The following BAHCC1 variants were observed in gnomAD, a reference collection of about 807,000 sequenced individuals.
BAHCC1 encodes BAH domain and coiled-coil containing 1.
A neutral mutation model predicts 88.2 loss-of-function variants in BAHCC1; 43 were observed. The observed-to-expected ratio is 0.49, with a 90% confidence interval of 0.38 to 0.63. The LOEUF is 0.63. Ranked by LOEUF, BAHCC1 falls within the 20% of genes least tolerant of loss-of-function variation. BAHCC1 has a pLI of 0.00. For missense variants in BAHCC1, 3,023 were observed against 1,654.8 expected, an observed-to-expected ratio of 1.83 and a Z score of -14.34; for synonymous variants, 1,510 against 745.5, an observed-to-expected ratio of 2.03 and a Z score of -16.71.
rs782501746 is a variant in BAHCC1 at position 81,447,784 on chromosome 17, C to T, written c.3912C>T (p.Ile1304=). The change falls in exon 11 of 28, where the codon ATC becomes ATT. Residue 1304 remains isoleucine (I), a synonymous_variant. Transcript: ENST00000675386. ...CTCATAGCTCAGGGATTCATGGGAT[C>T]GCTCTGCTCAGCGAGCTGGCTGACC... ...PLPHSSGIHG[I]ALLSELADLA... is the part of the protein sequence containing the mutation. 6.7e-6 allele frequency: 5 copies of T among 751,866 alleles called. No individual in the cohort carries two copies. The highest frequency in any genetic ancestry group is 1.4e-5 in the South Asian group (1 of 70,526). The allele number at this position is 751,866 out of a possible 1,614,324, so 46.6% of individuals were successfully genotyped here. A position where few individuals can be genotyped will look rare whatever the true frequency, so the allele number is the denominator to read the frequency against.
Position 81,464,917 on chromosome 17 carries a change from G to A in BAHCC1, c.*1100G>A, listed in dbSNP as rs1182566135. On this transcript the variant is annotated 3_prime_UTR_variant, in exon 28 of 28. Transcript: ENST00000675386. The stretch of plus-strand genomic sequence containing the variant: ...CCTAACTTTCCTGAAAGTAGTAGGT[G>A]CCGTGAGAAGGGGCAGTTTGGCCAG... The A allele has an allele frequency of 2.0e-5, 3 of 152,212 alleles. No individual in the cohort carries two copies. The highest frequency in any genetic ancestry group is 7.2e-5 in the African/African-American group (3 of 41,436). The allele number at this position is 152,212 out of a possible 1,614,324, so 9.4% of individuals were successfully genotyped here. A position where few individuals can be genotyped will look rare whatever the true frequency, so the allele number is the denominator to read the frequency against.
Position 81,399,252 on chromosome 17 carries a change from C to A in BAHCC1, c.-206-282C>A. 2.5e-6 allele frequency: 1 copy of A among 400,308 alleles called. No individual in the cohort carries two copies. The highest frequency in any genetic ancestry group is 1.1e-4 in the East Asian group (1 of 8,752). 24.8% of individuals were successfully genotyped at this position (400,308 alleles called of 1,614,324 possible). ...CCCTAGCTGCAGGGACCCGCGGGGA[C>A]GAGAACGGGAGGCGGCGAGCAGTGC... On this transcript the variant is annotated intron_variant, in intron 1 of 27. Transcript: ENST00000675386. This position sits in a 1 kb window ranked among gnomAD's most constrained non-coding sequence, Gnocchi z 4.5.
chr17:81,428,722 A>G (rs1304448807), intron 3 of BAHCC1, among the ~76,000 whole-genome samples: 6 of 152,320 alleles, frequency 3.9e-5, no homozygotes, highest in African/African-American at 1.2e-4. Flanking sequence ...GACAGCACCC[A>G]CAACGGCCTC....
At chr17:81,427,145 C>T (rs1245053807) in intron 3 of BAHCC1, among the ~76,000 whole-genome samples, 166 bp downstream of exon 3, 3 of 152,220 alleles carry the variant, frequency 2.0e-5, no homozygotes, top group East Asian at 1.9e-4. Flanking sequence ...GAGGAAGCCC[C>T]GGGGGAAGTG....
At position 81,445,547 on chromosome 17, in the gene BAHCC1, C is replaced by G. The variant is rs782686403; in HGVS notation, c.3029C>G (p.Pro1010Arg). 1 of 724,362 alleles carries G rather than the reference C, an allele frequency of 1.4e-6. No individual in the cohort carries two copies. The highest frequency in any genetic ancestry group is 1.5e-5 in the South Asian group (1 of 67,988). 44.9% of individuals were successfully genotyped at this position (724,362 alleles called of 1,614,324 possible). Residue 1010 changes from proline (P) to arginine (R), a missense_variant, in exon 10 of 28, where the codon CCT (proline) becomes CGT (arginine). Physicochemically the swap from Pro to Arg is moderately radical, Grantham distance 103. Transcript: ENST00000675386. The part of the protein sequence containing the change: ...KPPASSPTPP[P>R]RPSAPCTLNV... Reference sequence around the variant, plus strand: ...CCCGCCAGCTCCCCCACCCCACCACCTCGGCCCAGCGCCCCGTGCACTTTA... The same window carrying G: ...CCCGCCAGCTCCCCCACCCCACCACGTCGGCCCAGCGCCCCGTGCACTTTA...
intron 2 of BAHCC1, among the ~76,000 whole-genome samples, chr17:81,420,195 C>A (rs544329805): frequency 6.6e-6 from 1 of 152,352 alleles, no homozygotes; most frequent in African/African-American, 2.4e-5. Flanking sequence ...ATGTGTTGCC[C>A]TTCTTAGCCA....
At position 81,443,305 on chromosome 17, in the gene BAHCC1, G is replaced by C. The variant is rs1347505900; in HGVS notation, c.1956G>C (p.Leu652Phe). ...TGGTGGTGGGCCAGAAAGCACCCTT[G>C]GTGGGCCTGGGTGGCCTCAAGGCCA... ...QALVVGQKAPLVGLGGLKASC... is the reference protein window; with the variant it reads ...QALVVGQKAPFVGLGGLKASC... The change falls in exon 5 of 28, where the codon TTG becomes TTC. Residue 652 changes from leucine to phenylalanine, a missense_variant. Leu to Phe is a conservative substitution (Grantham distance 22). Transcript: ENST00000675386. 4 of 779,218 alleles carry C rather than the reference G, an allele frequency of 5.1e-6. No homozygotes were observed. In the African/African-American group the frequency reaches 6.8e-5, roughly 13 times the overall value. 48.3% of individuals were successfully genotyped at this position (779,218 alleles called of 1,614,324 possible).
At position 81,464,673 on chromosome 17, in the gene BAHCC1, T is replaced by G. The variant is rs2030577767; in HGVS notation, c.*856T>G. ...ACAAGACAAAGACGAACAAATATTT[T>G]AAAGTATTGATAAGAAAAAGCAATG... On this transcript the variant is annotated 3_prime_UTR_variant, in exon 28 of 28. Transcript: ENST00000675386. The G allele has an allele frequency of 6.6e-6, 1 of 152,516 alleles. No individual in the cohort carries two copies. The highest frequency in any genetic ancestry group is 2.1e-4 in the South Asian group (1 of 4,828). 9.4% of individuals were successfully genotyped at this position (152,516 alleles called of 1,614,324 possible). A position where few individuals can be genotyped will look rare whatever the true frequency, so the allele number is the denominator to read the frequency against.
In BAHCC1 at chr17:81,445,112, G is replaced by C. The variant is rs781959579; in HGVS notation, c.2769G>C (p.Ser923=). The part of the protein sequence containing the change: ...MQHPGQLPVY[S]RPQLLRQQEL... ...ACCCGGGCCAGCTCCCTGTGTACTCGAGGCCGCAGCTCCTCCGGCAGCAGG... is the reference window on the plus strand; with the variant it reads ...ACCCGGGCCAGCTCCCTGTGTACTCCAGGCCGCAGCTCCTCCGGCAGCAGG... Residue 923 remains serine (S), a synonymous_variant, in exon 9 of 28, where the codon TCG becomes TCC. Transcript: ENST00000675386. 3.9e-6 allele frequency: 3 copies of C among 773,292 alleles called. No individual in the cohort carries two copies. The African/African-American group carries it at 5.1e-5, about 13-fold the overall frequency. The allele number at this position is 773,292 out of a possible 1,614,324, so 47.9% of individuals were successfully genotyped here. A position where few individuals can be genotyped will look rare whatever the true frequency, so the allele number is the denominator to read the frequency against.
rs869057944 is a variant in BAHCC1, at chr17:81,411,474, CCCTGCCTGCCTGCCTGCCTG to C, written c.178+11581_178+11600del. 7 of 251,734 alleles carry C rather than the reference CCCTGCCTGCCTGCCTGCCTG, an allele frequency of 2.8e-5. No individual in the cohort carries two copies. The highest frequency in any genetic ancestry group is 1.3e-4 in the East Asian group (1 of 7,842). 15.6% of individuals were successfully genotyped at this position (251,734 alleles called of 1,614,324 possible). ...CCTTGAGGTCGTCAGCCAGCCCCACCCCTGCCTGCCTGCCTGCCTGCCTGCCTGCCTGCCTGCCTGCCTTC... is the reference window on the plus strand; with the variant it reads ...CCTTGAGGTCGTCAGCCAGCCCCACCCCTGCCTGCCTGCCTGCCTGCCTTC... On this transcript the variant is annotated intron_variant, in intron 2 of 27. Transcript: ENST00000675386. The surrounding 1 kb of genome is among the most constrained non-coding windows in gnomAD (Gnocchi z 6.2).
Position 81,456,305 on chromosome 17 carries a change from G to T in BAHCC1, c.4578G>T (p.Ala1526=), listed in dbSNP as rs1356574235. The change falls in exon 16 of 28, where the codon GCG becomes GCT. Residue 1526 remains alanine, a synonymous_variant. Transcript: ENST00000675386. The part of the protein sequence containing the change: ...AGLQTASVEK[A]QCKKSSCQGG... ...CCCCTCCCTGTTCACAGGAGAAGGC[G>T]CAGTGTAAGAAGAGCAGCTGTCAGG... is the stretch of plus-strand genomic sequence containing the variant. The T allele has an allele frequency of 2.8e-6, 2 of 716,382 alleles. No individual in the cohort carries two copies. Among genetic ancestry groups the T allele is most frequent in the South Asian group, 3.0e-5 (2 of 67,354 alleles). The allele number at this position is 716,382 out of a possible 1,614,324, so 44.4% of individuals were successfully genotyped here. A position where few individuals can be genotyped will look rare whatever the true frequency, so the allele number is the denominator to read the frequency against.
chr17:81,425,655 G>A (rs1555650317), intron 2 of BAHCC1, among the ~76,000 whole-genome samples: 1 of 148,712 alleles, frequency 6.7e-6, no homozygotes, highest in Non-Finnish European at 1.5e-5. Context: ...GGTTGGTGGT[G>A]ATGTGGTTGG....
In BAHCC1 at chr17:81,443,889, G is replaced by A; in HGVS notation, c.2296G>A (p.Gly766Arg). Residue 766 changes from glycine to arginine, a missense_variant, in exon 6 of 28, where the codon GGG becomes AGG. By Grantham distance (125) the Gly-to-Arg change is moderately radical. Coordinates refer to ENST00000675386, the MANE Select transcript of BAHCC1 (RefSeq NM_001377448.1). ...ERTRLCDDRL[G>R]LASRELLLQD... ...GACGAGGCTATGTGATGACCGCCTG[G>A]GGCTTGCCAGCCGCGAGCTGCTGCT... The A allele has an allele frequency of 1.3e-5, 9 of 713,188 alleles. No homozygotes were observed. The South Asian group carries it at 1.3e-4, about 11-fold the overall frequency. 44.2% of individuals were successfully genotyped at this position (713,188 alleles called of 1,614,324 possible). A position where few individuals can be genotyped will look rare whatever the true frequency, so the allele number is the denominator to read the frequency against.
intron 4 of BAHCC1, among the ~76,000 whole-genome samples, chr17:81,440,192 G>A (rs781984380): frequency 9.2e-5 from 14 of 152,282 alleles, no homozygotes; most frequent in Non-Finnish European, 1.3e-4. Flanking sequence ...CCCTAGAACC[G>A]CGTCAGCCCC....
Position 81,461,373 on chromosome 17 carries a change from T to C in BAHCC1, c.6710T>C (p.Leu2237Pro). ...LMGDKDFSPKLGRPLPSPSYV... is the reference protein window; with the variant it reads ...LMGDKDFSPKPGRPLPSPSYV... ...GGGGACAAGGACTTCAGCCCCAAGC[T>C]CGGGCGGCCCCTGCCCAGCCCCAGC... The change falls in exon 26 of 28, where the codon CTC becomes CCC. Residue 2237 changes from leucine (L) to proline (P), a missense_variant. Coordinates refer to ENST00000675386, the MANE Select transcript of BAHCC1 (RefSeq NM_001377448.1). The C allele has an allele frequency of 1.4e-6, 1 of 722,592 alleles. No individual in the cohort carries two copies. The highest frequency in any genetic ancestry group is 2.5e-6 in the Non-Finnish European group (1 of 392,612). The allele number at this position is 722,592 out of a possible 1,614,324, so 44.8% of individuals were successfully genotyped here.
chr17:81,438,635 G>A (rs782371926), intron 4 of BAHCC1, 143 bp downstream of exon 4: 4 of 638,352 alleles, frequency 6.3e-6, no homozygotes, highest in African/African-American at 1.8e-5. Flanking sequence ...GGGGCTAGAG[G>A]AGAGGGTGGG....
At chr17:81,420,750 G>A (rs1196863695) in intron 2 of BAHCC1, among the ~76,000 whole-genome samples, 1 of 152,248 alleles carries the variant, frequency 6.6e-6, no homozygotes, top group African/African-American at 2.4e-5. Context: ...GGAGGCCAGT[G>A]TGCAGTCCTC....
At chr17:81,458,052 C>T (rs1164658648) in intron 17 of BAHCC1, 113 bp from the exon 18 acceptor site, 18 of 406,494 alleles carry the variant, frequency 4.4e-5, no homozygotes, top group South Asian at 3.2e-4. Flanking sequence ...CTGGGTAACC[C>T]GGGGGCGGGC....
At chr17:81,397,333 C>T (rs1450301534) in intron 1 of BAHCC1, among the ~76,000 whole-genome samples, 8 of 151,852 alleles carry the variant, frequency 5.3e-5, no homozygotes, top group African/African-American at 1.9e-4. Context: ...CGTAGCCGAG[C>T]CCGCGTCCCG....
Sources: allele counts gnomAD v4.1 joint callset (sites outside exome capture counted in the v4.1 genomes callset), GRCh38; gene constraint gnomAD v4.1.1; non-coding constraint Gnocchi (gnomAD v3.1); transcripts MANE v1.5; gene names NCBI Gene and HGNC (gene_info 2026-07-23, HGNC 2026-07-21).